Variants in RASA2 observed in about 807,000 individuals in gnomAD.
RASA2 encodes RAS p21 protein activator 2.
In RASA2, 155 loss-of-function variants were observed where a neutral mutation model predicts 118.2. The ratio of observed to expected loss-of-function variants is 1.31; its 90% confidence interval spans 1.15 to 1.50. The LOEUF (loss-of-function observed/expected upper bound fraction) is 1.50, where lower values mean the gene tolerates loss of function less well. Among genes scored for constraint, RASA2 ranks in the 40% most tolerant of loss-of-function variants. The probability of loss-of-function intolerance (pLI) is 0.00; values close to 1 mark genes in which losing one functional copy is unlikely to be tolerated. For missense variants in RASA2, 1,016 were observed against 1,009.6 expected (o/e 1.01, Z -0.09); for synonymous variants, 353 against 349.1 (o/e 1.01, Z -0.12).
In RASA2 at chr3:141,487,173, C is replaced by A; in HGVS notation, c.90C>A (p.Asp30Glu). ...CAGAGCCCGAGGCCGGGGACCAGGA[C>A]AGTCGCGAGGTTCGAGTGTTGCAGA... ...ATAEPEAGDQ[D>E]SREVRVLQSL... is the part of the protein sequence containing the mutation. Residue 30 changes from aspartate to glutamate, a missense_variant, in exon 1 of 24, where the codon GAC (aspartate) becomes GAA (glutamate). Transcript: ENST00000286364. 6.8e-7 allele frequency: 1 copy of A among 1,468,048 alleles called. No individual in the cohort carries two copies. Among genetic ancestry groups the A allele is most frequent in the Non-Finnish European group, 9.1e-7 (1 of 1,100,996 alleles). The allele number at this position is 1,468,048 out of a possible 1,614,324, so 90.9% of individuals were successfully genotyped here. A position where few individuals can be genotyped will look rare whatever the true frequency, so the allele number is the denominator to read the frequency against.
intron 1 of RASA2, among the ~76,000 whole-genome samples, chr3:141,507,606 C>T (rs1336538508): frequency 1.3e-5 from 2 of 152,192 alleles, no homozygotes; most frequent in African/African-American, 2.4e-5. Context: ...CTCAGTAAGC[C>T]GTTGTTGTTG....
intron 1 of RASA2, among the ~76,000 whole-genome samples, chr3:141,497,349 T>C (rs2081718057): frequency 6.6e-6 from 1 of 151,934 alleles, no homozygotes; most frequent in South Asian, 2.1e-4. Flanking sequence ...GAGTTAGCCT[T>C]ATCTGTAATG....
At chr3:141,600,873 A>C (rs2083452217) in intron 19 of RASA2, among the ~76,000 whole-genome samples, 2 of 152,218 alleles carry the variant, frequency 1.3e-5, no homozygotes, top group Non-Finnish European at 2.9e-5. Context: ...TTGAAAGGTA[A>C]AACAAAGTTG....
chr3:141,512,393 A>C (rs370046840), intron 2 of RASA2, 113 bp downstream of exon 2: 1 of 736,126 alleles, frequency 1.4e-6, no homozygotes, highest in African/African-American at 1.9e-5. Flanking sequence ...GCTTGCTTTC[A>C]TGTGGCTTTT....
At chr3:141,543,843 TTC>T (rs1358828991) in intron 5 of RASA2, among the ~76,000 whole-genome samples, 1 of 151,452 alleles carries the variant, frequency 6.6e-6, no homozygotes, top group East Asian at 1.9e-4. Flanking sequence ...GCCTTTAGAT[TTC>T]TTTTCTTTTT....
At chr3:141,611,417 C>T (rs1168638230) in intron 23 of RASA2, among the ~76,000 whole-genome samples, 1 of 152,198 alleles carries the variant, frequency 6.6e-6, no homozygotes, top group African/African-American at 2.4e-5. Flanking sequence ...AAACACATGG[C>T]TACCCAGTGG....
chr3:141,574,418 T>C (rs2151132549), intron 14 of RASA2, among the ~76,000 whole-genome samples: 1 of 152,154 alleles, frequency 6.6e-6, no homozygotes, highest in Non-Finnish European at 1.5e-5. Flanking sequence ...CTCGATCTCC[T>C]GAACTCGTGA....
At chr3:141,586,929 A>G (rs758836407) in intron 19 of RASA2, 177 bp downstream of exon 19, 1 of 655,288 alleles carries the variant, frequency 1.5e-6, no homozygotes, top group Admixed American at 2.3e-5. Flanking sequence ...CATGTATATT[A>G]TGTTTTTCTC....
intron 4 of RASA2, among the ~76,000 whole-genome samples, chr3:141,535,150 C>T (rs1218446888): frequency 6.6e-6 from 1 of 152,108 alleles, no homozygotes; most frequent in Non-Finnish European, 1.5e-5. Flanking sequence ...TTCTCTATGA[C>T]AGCCTTTTTT....
At chr3:141,562,733 C>T (rs1178549105) in intron 9 of RASA2, among the ~76,000 whole-genome samples, 1 of 151,594 alleles carries the variant, frequency 6.6e-6, no homozygotes, top group Non-Finnish European at 1.5e-5. Flanking sequence ...AGTGCAGTAG[C>T]GCCATCTTGG....
chr3:141,544,948 A>G (rs1040877689), intron 5 of RASA2, among the ~76,000 whole-genome samples: 1 of 152,196 alleles, frequency 6.6e-6, no homozygotes, highest in African/African-American at 2.4e-5. Context: ...ATGAGAATGC[A>G]TGGACACATA....
At chr3:141,499,627 G>A (rs534992172) in intron 1 of RASA2, among the ~76,000 whole-genome samples, 1 of 152,076 alleles carries the variant, frequency 6.6e-6, no homozygotes, top group South Asian at 2.1e-4. Flanking sequence ...TTGAGACGGA[G>A]TCTCCCTCTG....
rs182432104 is a variant in RASA2 at position 141,517,755 on chromosome 3, G to A, written c.355+1324G>A. Among the ~76,000 whole-genome samples the A allele has an allele frequency of 1.1e-3, 170 of 152,152 alleles. 1 individual carries two copies. Among genetic ancestry groups the A allele is most frequent in the African/African-American group, 3.9e-3 (162 of 41,512 alleles). ...TGCAAGCTCCGCCTCCTGGGTTCAC[G>A]CCATTCTCCTGCCACAGCCTCCCGA... On this transcript the variant is annotated intron_variant, in intron 3 of 23. Coordinates refer to ENST00000286364, the MANE Select transcript of RASA2 (RefSeq NM_006506.5).
At chr3:141,539,530 G>A (rs2082376116) in intron 4 of RASA2, among the ~76,000 whole-genome samples, 1 of 152,080 alleles carries the variant, frequency 6.6e-6, no homozygotes, top group Admixed American at 6.5e-5. Context: ...TTTGAAAAGG[G>A]TTGTTCTAAA....
chr3:141,549,472 AGT>A (rs796833839), intron 5 of RASA2, among the ~76,000 whole-genome samples: 3 of 134,722 alleles, frequency 2.2e-5, no homozygotes, highest in Non-Finnish European at 3.2e-5. Flanking sequence ...AGTGTGTATG[AGT>A]GTGTGTGTGC....
chr3:141,562,502 A>G (rs1304632459), intron 9 of RASA2, among the ~76,000 whole-genome samples: 4 of 149,388 alleles, frequency 2.7e-5, no homozygotes, highest in Admixed American at 2.7e-4. Flanking sequence ...GGGCAACTGT[A>G]GTGCCAGCTA....
At chr3:141,543,997 T>C (rs539605399) in intron 5 of RASA2, among the ~76,000 whole-genome samples, 52 of 150,928 alleles carry the variant, frequency 3.4e-4, no homozygotes, top group African/African-American at 1.3e-3. Context: ...TGCCTCAGCC[T>C]CCTAAGTAGC....
At chr3:141,502,728 T>A (rs189632439) in intron 1 of RASA2, among the ~76,000 whole-genome samples, 2 of 152,346 alleles carry the variant, frequency 1.3e-5, no homozygotes, top group East Asian at 3.9e-4. Flanking sequence ...AAGTGGTAGC[T>A]ATTATTATGA....
At chr3:141,489,198 A>G (rs1005434427) in intron 1 of RASA2, among the ~76,000 whole-genome samples, 1 of 152,102 alleles carries the variant, frequency 6.6e-6, no homozygotes, top group Non-Finnish European at 1.5e-5. Flanking sequence ...TGCTTATCTT[A>G]TAGCTCAGGT....
Sources: allele counts gnomAD v4.1 joint callset (sites outside exome capture counted in the v4.1 genomes callset), GRCh38; gene constraint gnomAD v4.1.1; transcripts MANE v1.5; gene names NCBI Gene and HGNC (gene_info 2026-07-23, HGNC 2026-07-21).